Variants in CNTNAP5 observed in about 807,000 individuals in gnomAD.
The protein encoded by CNTNAP5 is contactin associated protein family member 5, also known as contactin-associated protein-like 5.
A neutral mutation model predicts 150.2 loss-of-function variants in CNTNAP5; 72 were observed. The observed-to-expected ratio is 0.48, with a 90% CI of 0.40 to 0.58. The LOEUF (loss-of-function observed/expected upper bound fraction) is 0.58. Among genes scored for constraint, CNTNAP5 ranks in the 20% least tolerant of loss-of-function variants. The pLI, the probability that CNTNAP5 is intolerant of heterozygous loss-of-function variation, is 0.00. For synonymous variants in CNTNAP5, 672 were observed against 619.8 expected, an observed-to-expected ratio of 1.08 and a Z score of -1.25; for missense variants, 1,636 against 1,626.2, an observed-to-expected ratio of 1.01 and a Z score of -0.10.
intron 3 of CNTNAP5, among the ~76,000 whole-genome samples, chr2:124,380,519 A>G (rs1335270174): frequency 6.6e-6 from 1 of 152,216 alleles, no homozygotes; most frequent in East Asian, 1.9e-4. Flanking sequence ...TCCATCAAAT[A>G]AGCATATTCC....
intron 1 of CNTNAP5, among the ~76,000 whole-genome samples, chr2:124,062,815 T>G (rs1573726718): frequency 6.6e-6 from 1 of 151,964 alleles, no homozygotes; most frequent in East Asian, 1.9e-4. Flanking sequence ...TTTTTTGGTG[T>G]GGTTTGTTTG....
chr2:124,571,880 A>G (rs1242245832), intron 11 of CNTNAP5, among the ~76,000 whole-genome samples: 1 of 152,038 alleles, frequency 6.6e-6, no homozygotes, highest in African/African-American at 2.4e-5. Context: ...GAGAAGATGG[A>G]AAAAAAGCAC....
intron 12 of CNTNAP5, among the ~76,000 whole-genome samples, chr2:124,614,641 C>T (rs1677456588): frequency 6.6e-6 from 1 of 152,098 alleles, no homozygotes; most frequent in Non-Finnish European, 1.5e-5. Context: ...TGTCTCTTAG[C>T]ATGCTGAGGC....
chr2:124,348,421 C>G (rs1689793331), intron 3 of CNTNAP5, among the ~76,000 whole-genome samples: 1 of 152,122 alleles, frequency 6.6e-6, no homozygotes, highest in Non-Finnish European at 1.5e-5. Context: ...AAAAAACTTT[C>G]TGTCTCTCAC....
At chr2:124,602,758 G>A (rs1023120609) in intron 11 of CNTNAP5, among the ~76,000 whole-genome samples, 6 of 152,140 alleles carry the variant, frequency 3.9e-5, no homozygotes, top group African/African-American at 1.4e-4. Context: ...CTCCCAAAAT[G>A]TTGGAATTAC....
intron 1 of CNTNAP5, among the ~76,000 whole-genome samples, chr2:124,075,299 T>C (rs905366101): frequency 6.6e-6 from 1 of 152,106 alleles, no homozygotes; most frequent in African/African-American, 2.4e-5. Flanking sequence ...CATACTCCTT[T>C]CTAAGTTGAG....
chr2:124,597,790 G>A (rs935098736), intron 11 of CNTNAP5, among the ~76,000 whole-genome samples: 11 of 151,638 alleles, frequency 7.3e-5, no homozygotes, highest in East Asian at 2.0e-4. Context: ...CCAATCAGAC[G>A]TAGATTTGGT....
rs138856112 is a variant in CNTNAP5, at chr2:124,387,607, G to C, written c.382-29836G>C. Among the ~76,000 whole-genome samples the C allele has an allele frequency of 2.6e-5, 4 of 152,240 alleles. No homozygotes were observed. In the East Asian group the frequency reaches 7.7e-4, roughly 29 times the overall value. ...AATTACAAAGAACCTTCTTAAGGGTGGGGGAGATTACAAAGTACCTTCTTA... is the reference window on the plus strand; with the variant it reads ...AATTACAAAGAACCTTCTTAAGGGTCGGGGAGATTACAAAGTACCTTCTTA... On this transcript the variant is annotated intron_variant, in intron 3 of 23. Coordinates refer to ENST00000682447, the MANE Select transcript of CNTNAP5 (RefSeq NM_001367498.1).
chr2:124,881,346 C>T (rs998360625), intron 21 of CNTNAP5, among the ~76,000 whole-genome samples: 9 of 151,918 alleles, frequency 5.9e-5, no homozygotes, highest in Non-Finnish European at 1.3e-4. Flanking sequence ...TTGGGTAATT[C>T]ACTGGGTAGG....
chr2:124,503,514 T>G (rs1167294742), intron 7 of CNTNAP5, among the ~76,000 whole-genome samples: 1 of 152,238 alleles, frequency 6.6e-6, no homozygotes, highest in African/African-American at 2.4e-5. Context: ...CGATGCACAC[T>G]TAATATTCCC....
At chr2:124,796,973 C>T (rs1414813063) in intron 18 of CNTNAP5, among the ~76,000 whole-genome samples, 1 of 152,154 alleles carries the variant, frequency 6.6e-6, no homozygotes, top group African/African-American at 2.4e-5. Flanking sequence ...GACAGATGAA[C>T]ATTTAATAAA....
intron 3 of CNTNAP5, among the ~76,000 whole-genome samples, chr2:124,343,965 C>A (rs1184440561): frequency 1.3e-5 from 2 of 152,182 alleles, no homozygotes; most frequent in South Asian, 2.1e-4. Context: ...TTATACTAAC[C>A]GGTTCTTGTT....
At chr2:124,682,266 C>G (rs1277280507) in intron 13 of CNTNAP5, among the ~76,000 whole-genome samples, 1 of 152,186 alleles carries the variant, frequency 6.6e-6, no homozygotes, top group Admixed American at 6.5e-5. Context: ...CTTCTTTGCT[C>G]CAGCTAAAAT....
chr2:124,434,465 G>C lies in CNTNAP5; in HGVS notation c.530-19G>C. ...GAATATGCACTAATTTTTCTTTCCC[G>C]CTCCTTCTTTGTTCCCAGAATCAGA... On this transcript the variant is annotated intron_variant, in intron 4 of 23. Coordinates refer to ENST00000682447, the MANE Select transcript of CNTNAP5 (RefSeq NM_001367498.1). 2 of 1,600,770 alleles carry C rather than the reference G, an allele frequency of 1.2e-6. No homozygotes were observed. Among genetic ancestry groups the C allele is most frequent in the Non-Finnish European group, 1.7e-6 (2 of 1,167,944 alleles).
At chr2:124,680,020 G>A (rs1419686435) in intron 13 of CNTNAP5, among the ~76,000 whole-genome samples, 1 of 151,606 alleles carries the variant, frequency 6.6e-6, no homozygotes, top group Admixed American at 6.7e-5. Context: ...TTTATCCTAT[G>A]GATACCCTGT....
At chr2:124,403,487 A>G (rs1481997935) in intron 3 of CNTNAP5, among the ~76,000 whole-genome samples, 1 of 152,216 alleles carries the variant, frequency 6.6e-6, no homozygotes, top group African/African-American at 2.4e-5. Flanking sequence ...CCAGTTATTC[A>G]GCAAGTCTTT....
At chr2:124,344,459 T>A (rs1244930136) in intron 3 of CNTNAP5, among the ~76,000 whole-genome samples, 1 of 152,056 alleles carries the variant, frequency 6.6e-6, no homozygotes, top group East Asian at 1.9e-4. Context: ...AAGAGAGGAA[T>A]GATAGGCCCC....
chr2:124,268,998 C>A (rs2699363), intron 3 of CNTNAP5, among the ~76,000 whole-genome samples: 44,572 of 151,832 alleles, frequency 0.29, 7,132 homozygotes, highest in Admixed American at 0.38. Flanking sequence ...AAAACAACAG[C>A]AACACCCAAA....
chr2:124,288,849 G>A (rs1688217374), intron 3 of CNTNAP5, among the ~76,000 whole-genome samples: 1 of 152,172 alleles, frequency 6.6e-6, no homozygotes. Flanking sequence ...CAAGAACAGT[G>A]ACTGGAAAGT....
Sources: gnomAD v4.1 joint callset for allele counts (sites outside exome capture counted in the v4.1 genomes callset) on GRCh38, gnomAD v4.1.1 for gene constraint, MANE v1.5 for transcripts, NCBI Gene and HGNC (gene_info 2026-07-23, HGNC 2026-07-21) for gene names.